Variants in ASIC2 observed in about 807,000 individuals in gnomAD.
ASIC2 encodes acid-sensing ion channel 2.
ASIC2 carries 25 observed loss-of-function variants against 57.3 expected under a neutral mutation model. That is an observed-to-expected ratio of 0.44 (90% CI 0.32 to 0.61). The LOEUF (loss-of-function observed/expected upper bound fraction) is 0.61. ASIC2 is among the 20% of genes least tolerant of loss of function. The pLI is 0.06. For missense variants in ASIC2, 641 were observed against 738.1 expected (o/e 0.87, Z 1.52); for synonymous variants, 319 against 307.5 (o/e 1.04, Z -0.39).
intron 1 of ASIC2, among the ~76,000 whole-genome samples, chr17:33,451,332 C>T (rs979534069): frequency 6.6e-6 from 1 of 152,136 alleles, no homozygotes; most frequent in East Asian, 1.9e-4. Context: ...CTGGGATTTA[C>T]AGGCATGAGC....
At chr17:33,953,874 T>C (rs775002968) in intron 1 of ASIC2, among the ~76,000 whole-genome samples, 2 of 152,112 alleles carry the variant, frequency 1.3e-5, no homozygotes, top group Non-Finnish European at 2.9e-5. Context: ...AACTATAGAT[T>C]AAGATGATAG....
At chr17:33,414,298 C>A (rs1910763029) in intron 1 of ASIC2, among the ~76,000 whole-genome samples, 1 of 152,034 alleles carries the variant, frequency 6.6e-6, no homozygotes, top group South Asian at 2.1e-4. Context: ...GGGAGCAGTG[C>A]AGAGAGACTC....
chr17:33,819,071 C>G (rs1912673531), intron 1 of ASIC2, among the ~76,000 whole-genome samples: 2 of 152,134 alleles, frequency 1.3e-5, no homozygotes, highest in South Asian at 4.1e-4. Context: ...TTAGGAAAAA[C>G]CCAGGGATAA....
intron 1 of ASIC2, among the ~76,000 whole-genome samples, chr17:34,133,047 G>T (rs985547587): frequency 6.6e-6 from 1 of 152,142 alleles, no homozygotes; most frequent in South Asian, 2.1e-4. Flanking sequence ...ATATGTAAAG[G>T]CAGAAGAGAA....
intron 1 of ASIC2, among the ~76,000 whole-genome samples, chr17:33,811,453 T>G (rs1032697598): frequency 2.0e-5 from 3 of 152,242 alleles, no homozygotes; most frequent in African/African-American, 4.8e-5. Context: ...TGGGTTTTTT[T>G]GCAGGCATTG....
At chr17:33,395,565 A>C (rs1910046329) in intron 1 of ASIC2, among the ~76,000 whole-genome samples, 4 of 152,182 alleles carry the variant, frequency 2.6e-5, no homozygotes, top group Admixed American at 2.0e-4. Context: ...TTGGGTGGAG[A>C]CAGGGCCAAA....
intron 1 of ASIC2, among the ~76,000 whole-genome samples, chr17:33,452,844 C>A (rs1452222329): frequency 3.3e-5 from 5 of 151,676 alleles, no homozygotes; most frequent in African/African-American, 1.2e-4. Flanking sequence ...GGGGCTCAGT[C>A]TTGCAGGGCT....
chr17:33,082,949 T>C (rs72817094), intron 3 of ASIC2, among the ~76,000 whole-genome samples: 16,284 of 152,194 alleles, frequency 0.11, 1,077 homozygotes, highest in Non-Finnish European at 0.15. Flanking sequence ...TCCAGATCTA[T>C]ATCCCTAGCC....
chr17:34,124,236 C>T (rs1911707815), intron 1 of ASIC2, among the ~76,000 whole-genome samples: 2 of 152,166 alleles, frequency 1.3e-5, no homozygotes, highest in South Asian at 2.1e-4. Flanking sequence ...CAGTGCCTGG[C>T]ACCTTGTAAA....
intron 1 of ASIC2, among the ~76,000 whole-genome samples, chr17:33,178,380 G>A (rs1310733431): frequency 6.6e-6 from 1 of 152,208 alleles, no homozygotes; most frequent in Non-Finnish European, 1.5e-5. Context: ...ATGTGGAGCT[G>A]TGAAATTTGG....
intron 1 of ASIC2, among the ~76,000 whole-genome samples, chr17:33,252,093 T>C (rs1193244682): frequency 3.3e-5 from 5 of 152,182 alleles, no homozygotes; most frequent in African/African-American, 1.2e-4. Flanking sequence ...ACTGGGGTCT[T>C]GCTATTCCCT....
intron 1 of ASIC2, among the ~76,000 whole-genome samples, chr17:33,539,651 C>T (rs577817643): frequency 2.0e-5 from 3 of 152,324 alleles, no homozygotes; most frequent in East Asian, 1.9e-4. Flanking sequence ...CCTCATGGCT[C>T]GTGCAGCACG....
intron 1 of ASIC2, among the ~76,000 whole-genome samples, chr17:34,066,847 G>A (rs994896090): frequency 6.6e-6 from 1 of 152,158 alleles, no homozygotes; most frequent in Admixed American, 6.5e-5. Context: ...AATCAGAGAA[G>A]GTCAGCAAGA....
chr17:33,269,751 T>TTTCC (rs139151089), intron 1 of ASIC2, among the ~76,000 whole-genome samples: 47,199 of 102,652 alleles, frequency 0.46, 10,548 homozygotes, highest in East Asian at 0.63. Flanking sequence ...TCCTTCCTTC[T>TTTCC]TTCCTTCCTT....
At chr17:33,368,499 G>T (rs1036299314) in intron 1 of ASIC2, among the ~76,000 whole-genome samples, 1 of 152,300 alleles carries the variant, frequency 6.6e-6, no homozygotes, top group East Asian at 1.9e-4. Context: ...CCCAAAGAGG[G>T]CATGAGTTTA....
chr17:34,031,120 G>A (rs1907592765), intron 1 of ASIC2, among the ~76,000 whole-genome samples: 1 of 152,210 alleles, frequency 6.6e-6, no homozygotes, highest in Non-Finnish European at 1.5e-5. Flanking sequence ...CCCAGTAGGG[G>A]CAGACTGACA....
At chr17:33,501,407 G>A (rs1914097032) in intron 1 of ASIC2, among the ~76,000 whole-genome samples, 1 of 152,146 alleles carries the variant, frequency 6.6e-6, no homozygotes, top group Non-Finnish European at 1.5e-5. Flanking sequence ...GGGCTCCAGT[G>A]AGCATCCTGC....
At chr17:33,892,571 C>A (rs956129299) in intron 1 of ASIC2, among the ~76,000 whole-genome samples, 2 of 152,214 alleles carry the variant, frequency 1.3e-5, no homozygotes, top group Non-Finnish European at 2.9e-5. Flanking sequence ...CCTTCCATAT[C>A]TGTATAATCC....
In ASIC2 at chr17:33,359,733, G is replaced by A. The variant is rs182851097; in HGVS notation, c.556-247666C>T. Among the ~76,000 whole-genome samples, 374 of 152,322 alleles carry A rather than the reference G, an allele frequency of 2.5e-3. 1 individual carries two copies. Among genetic ancestry groups the A allele is most frequent in the African/African-American group, 8.5e-3 (353 of 41,572 alleles). ...AAGGGCACTAACTTAAGAAAGTAGG[G>A]CACCTTTTTGCCTTCCCTTCCTGTT... On this transcript the variant is annotated intron_variant, in intron 1 of 9. Coordinates refer to the ASIC2 transcript ENST00000359872.
Sources: allele counts gnomAD v4.1 joint callset (sites outside exome capture counted in the v4.1 genomes callset), GRCh38; gene constraint gnomAD v4.1.1; transcripts MANE v1.5; gene names NCBI Gene and HGNC (gene_info 2026-07-23, HGNC 2026-07-21).